NBEA: variants seen among roughly 807,000 people sequenced by gnomAD.
The protein encoded by NBEA is neurobeachin.
Under a neutral mutation model 343.4 loss-of-function variants are expected in NBEA, and 44 were observed. That is an observed-to-expected ratio of 0.13 (90% CI 0.10 to 0.16). The LOEUF (loss-of-function observed/expected upper bound fraction) is 0.16. Among genes scored for constraint, NBEA ranks in the 10% least tolerant of loss-of-function variants. The pLI is 1.00. For synonymous variants in NBEA, 1,175 were observed against 1,238.7 expected (o/e 0.95, Z 1.08); for missense variants, 2,555 against 3,631.3 (o/e 0.70, Z 7.62).
chr13:35,359,248 C>A (rs922218306), intron 38 of NBEA, among the ~76,000 whole-genome samples: 1 of 152,048 alleles, frequency 6.6e-6, no homozygotes, highest in African/African-American at 2.4e-5. Flanking sequence ...CAAATGTCAC[C>A]TTTTTCTATA....
chr13:35,247,585 G>A (rs2031393527), intron 34 of NBEA, among the ~76,000 whole-genome samples: 1 of 152,136 alleles, frequency 6.6e-6, no homozygotes, highest in Non-Finnish European at 1.5e-5. Flanking sequence ...TTCAGGGGCA[G>A]ATGATCCCCT....
rs572466348 is a variant in NBEA, at chr13:35,440,924, C to T, written c.6304+8531C>T. ...TATTTGGTTGGCGCTTACAGCCTAT[C>T]GTCTGTAAAGATACATCAGAACAGA... On this transcript the variant is annotated intron_variant, in intron 39 of 58. Coordinates refer to ENST00000379939, the MANE Select transcript of NBEA (RefSeq NM_001385012.1). Among the ~76,000 whole-genome samples, 4 of 152,256 alleles carry T rather than the reference C, an allele frequency of 2.6e-5. No individual in the cohort carries two copies. In the East Asian group the frequency reaches 5.8e-4, roughly 22 times the overall value.
chr13:35,476,753 G>T, intron 41 of NBEA: 1 of 1,055,496 alleles, frequency 9.5e-7, no homozygotes. Flanking sequence ...GCGGCCAATC[G>T]CCACTGGGCT....
At chr13:35,153,334 C>T (rs771691824) in intron 18 of NBEA, among the ~76,000 whole-genome samples, 9 of 151,946 alleles carry the variant, frequency 5.9e-5, no homozygotes, top group Non-Finnish European at 1.3e-4. Flanking sequence ...TGCCTGGCCA[C>T]ATAGGTTCTT....
chr13:35,414,857 A>C (rs1340854076), intron 38 of NBEA, among the ~76,000 whole-genome samples: 1 of 152,182 alleles, frequency 6.6e-6, no homozygotes, highest in Non-Finnish European at 1.5e-5. Flanking sequence ...ACAGTGTAAA[A>C]GTGTTCCTAT....
chr13:35,117,541 G>T, intron 14 of NBEA, 48 bp downstream of exon 14: 4 of 916,760 alleles, frequency 4.4e-6, no homozygotes, highest in East Asian at 3.6e-5. Flanking sequence ...TAGGTAGAAA[G>T]GAATTTCTGG....
At chr13:35,652,606 A>T in intron 53 of NBEA, among the ~76,000 whole-genome samples, 1 of 139,278 alleles carries the variant, frequency 7.2e-6, no homozygotes. Context: ...GCACCACTGC[A>T]CTCCAGCCTG....
intron 23 of NBEA, among the ~76,000 whole-genome samples, chr13:35,163,617 CA>C (rs56961670): frequency 0.12 from 15,422 of 125,422 alleles, 913 homozygotes; most frequent in South Asian, 0.18. Flanking sequence ...GATCCTTTCT[CA>C]AAAAAAAAAA....
intron 38 of NBEA, among the ~76,000 whole-genome samples, chr13:35,425,036 A>C (rs9530563): frequency 0.15 from 22,998 of 151,354 alleles, 1,825 homozygotes; most frequent in East Asian, 0.32. Flanking sequence ...ATTCTTCTCT[A>C]TTTTCTTCTT....
chr13:35,318,052 A>G (rs181560365), intron 36 of NBEA, among the ~76,000 whole-genome samples: 1 of 152,284 alleles, frequency 6.6e-6, no homozygotes, highest in East Asian at 1.9e-4. Flanking sequence ...GCAAATAGAA[A>G]CGATTTGACT....
intron 38 of NBEA, among the ~76,000 whole-genome samples, chr13:35,400,355 T>A (rs2042947502): frequency 6.6e-6 from 1 of 151,898 alleles, no homozygotes; most frequent in African/African-American, 2.4e-5. Context: ...TTAAAACATA[T>A]ATCATAGAAC....
chr13:35,217,746 T>C (rs2074143624), intron 33 of NBEA, among the ~76,000 whole-genome samples: 2 of 152,066 alleles, frequency 1.3e-5, no homozygotes, highest in Admixed American at 1.3e-4. Flanking sequence ...TCCTGAATGC[T>C]CAGTGTATTT....
intron 11 of NBEA, among the ~76,000 whole-genome samples, chr13:35,108,343 A>T (rs1413530284): frequency 6.6e-6 from 1 of 152,000 alleles, no homozygotes; most frequent in Non-Finnish European, 1.5e-5. Flanking sequence ...AGCTTTTATG[A>T]AGAGCATTTT....
At chr13:35,042,646 G>A (rs570519143) in intron 2 of NBEA, among the ~76,000 whole-genome samples, 1 of 151,728 alleles carries the variant, frequency 6.6e-6, no homozygotes, top group African/African-American at 2.4e-5. Context: ...GTTACATAAA[G>A]CTCCTTAATT....
At chr13:35,483,385 T>A (rs1056014822) in intron 41 of NBEA, among the ~76,000 whole-genome samples, 1 of 151,948 alleles carries the variant, frequency 6.6e-6, no homozygotes, top group African/African-American at 2.4e-5. Context: ...TACTTTACAT[T>A]TTCAGTAAAT....
At chr13:35,422,007 G>A (rs2152923982) in intron 38 of NBEA, among the ~76,000 whole-genome samples, 1 of 150,956 alleles carries the variant, frequency 6.6e-6, no homozygotes, top group South Asian at 2.1e-4. Flanking sequence ...GATTTATCAT[G>A]TTTAGAGTTC....
chr13:35,296,742 CTATATA>C (rs148816146), intron 35 of NBEA, among the ~76,000 whole-genome samples: 1 of 150,804 alleles, frequency 6.6e-6, no homozygotes, highest in African/African-American at 2.4e-5. Flanking sequence ...ATAGTGAAAA[CTATATA>C]TATATATATT....
chr13:35,389,155 G>A (rs1034259785), intron 38 of NBEA, among the ~76,000 whole-genome samples: 1 of 151,742 alleles, frequency 6.6e-6, no homozygotes, highest in Non-Finnish European at 1.5e-5. Context: ...CTAACAAAAT[G>A]CCAAATGCAG....
chr13:35,576,172 G>C (rs1352109902), intron 45 of NBEA, among the ~76,000 whole-genome samples: 1 of 150,024 alleles, frequency 6.7e-6, no homozygotes, highest in African/African-American at 2.5e-5. Flanking sequence ...GCTGGAGTGC[G>C]GTGGTGCAAT....
Sources: allele counts gnomAD v4.1 joint callset (sites outside exome capture counted in the v4.1 genomes callset), GRCh38; gene constraint gnomAD v4.1.1; transcripts MANE v1.5; gene names NCBI Gene and HGNC (gene_info 2026-07-23, HGNC 2026-07-21).